Variants in CWC27 observed in about 807,000 individuals in gnomAD.
CWC27 encodes the protein spliceosome-associated protein CWC27 homolog.
CWC27 carries 47 observed loss-of-function variants against 63.6 expected under a neutral mutation model. The ratio of observed to expected loss-of-function variants is 0.74; its 90% CI spans 0.58 to 0.94. CWC27 has a LOEUF of 0.94. CWC27 is among the 40% of genes least tolerant of loss of function. The pLI is 0.00. For missense variants in CWC27, 495 were observed against 554.3 expected (o/e 0.89, Z 1.07); for synonymous variants, 175 against 179.8 (o/e 0.97, Z 0.22).
chr5:64,785,470 T>A lies in CWC27; in HGVS notation c.397-11T>A. ...ATAATTTTCAATTACATTATATTTTTAATTTGATAGGTTACAGGGGATACA... is the reference window on the plus strand; with the variant it reads ...ATAATTTTCAATTACATTATATTTTAAATTTGATAGGTTACAGGGGATACA... On this transcript the variant is annotated splice_polypyrimidine_tract_variant and intron_variant, in intron 4 of 13. Coordinates refer to ENST00000381070, the MANE Select transcript of CWC27 (RefSeq NM_005869.4). 7.9e-7 allele frequency: 1 copy of A among 1,271,274 alleles called. No homozygotes were observed. Among genetic ancestry groups the A allele is most frequent in the Non-Finnish European group, 1.0e-6 (1 of 973,514 alleles). 78.7% of individuals were successfully genotyped at this position (1,271,274 alleles called of 1,614,324 possible).
At chr5:64,782,227 C>T (rs537211584) in intron 3 of CWC27, among the ~76,000 whole-genome samples, 194 bp downstream of exon 3, 260 of 152,088 alleles carry the variant, frequency 1.7e-3, no homozygotes, top group African/African-American at 6.0e-3. Context: ...GGGGGCGGAT[C>T]ACTTGAGGTC....
intron 6 of CWC27, 61 bp from the exon 7 acceptor site, chr5:64,788,890 A>T: frequency 1.8e-6 from 2 of 1,123,160 alleles, no homozygotes; most frequent in Non-Finnish European, 1.3e-6. Flanking sequence ...AAAATAAGGT[A>T]TTTATAAGTT....
At chr5:64,901,234 T>C (rs1395290024) in intron 11 of CWC27, among the ~76,000 whole-genome samples, 2 of 151,914 alleles carry the variant, frequency 1.3e-5, no homozygotes, top group Non-Finnish European at 2.9e-5. Flanking sequence ...AAAGGTACAG[T>C]AAAAATACGG....
chr5:64,874,062 T>C (rs985165225), intron 10 of CWC27, among the ~76,000 whole-genome samples: 2 of 152,088 alleles, frequency 1.3e-5, no homozygotes, highest in Non-Finnish European at 2.9e-5. Context: ...AAAATTCTTT[T>C]TCCTTGATAT....
intron 10 of CWC27, among the ~76,000 whole-genome samples, chr5:64,818,209 C>A (rs1745098647): frequency 6.6e-6 from 1 of 152,002 alleles, no homozygotes; most frequent in Admixed American, 6.6e-5. Context: ...TCTTTTTAAT[C>A]TGTATTTTCA....
At chr5:64,964,338 GTATT>G (rs966768945) in intron 11 of CWC27, among the ~76,000 whole-genome samples, 2 of 152,138 alleles carry the variant, frequency 1.3e-5, no homozygotes, top group African/African-American at 4.8e-5. Context: ...GCAGTTTTGA[GTATT>G]TATTTAGACA....
chr5:64,950,843 T>C (rs1748691852), intron 11 of CWC27, among the ~76,000 whole-genome samples: 1 of 151,972 alleles, frequency 6.6e-6, no homozygotes, highest in South Asian at 2.1e-4. Flanking sequence ...TCTCACACTA[T>C]AGTTTTCCTA....
intron 11 of CWC27, among the ~76,000 whole-genome samples, chr5:64,969,958 A>G (rs912694268): frequency 2.0e-5 from 3 of 152,198 alleles, no homozygotes; most frequent in Non-Finnish European, 2.9e-5. Context: ...GCAAAGGCGG[A>G]TGGTTGGTCA....
Position 64,786,589 on chromosome 5 carries a change from A to G in CWC27, c.561A>G (p.Pro187=). ...TTAAAAGGCTGAAAAAAGAGAAACCAGAGGAGGAAGTAAAGAAATTGAAAC... is the reference window on the plus strand; with the variant it reads ...TTAAAAGGCTGAAAAAAGAGAAACCGGAGGAGGAAGTAAAGAAATTGAAAC... ...REIKRLKKEK[P]EEEVKKLKPK... is the part of the protein sequence containing the mutation. Residue 187 remains proline, a synonymous_variant, in exon 6 of 14, where the codon CCA becomes CCG. Coordinates refer to ENST00000381070, the MANE Select transcript of CWC27 (RefSeq NM_005869.4). The G allele has an allele frequency of 1.3e-6, 2 of 1,590,270 alleles. No homozygotes were observed. Among genetic ancestry groups the G allele is most frequent in the Middle Eastern group, 1.7e-4 (1 of 6,000 alleles).
intron 10 of CWC27, among the ~76,000 whole-genome samples, chr5:64,819,542 A>G (rs1012643878): frequency 1.3e-5 from 2 of 151,740 alleles, no homozygotes; most frequent in African/African-American, 4.8e-5. Flanking sequence ...GTCACACTAG[A>G]TCTGATGGTT....
chr5:64,972,454 T>C (rs1749142853), intron 12 of CWC27, among the ~76,000 whole-genome samples: 2 of 152,066 alleles, frequency 1.3e-5, no homozygotes, highest in Admixed American at 1.3e-4. Context: ...GAGGGCAGAC[T>C]GAAATCATTT....
At chr5:64,948,950 A>G (rs1003858643) in intron 11 of CWC27, among the ~76,000 whole-genome samples, 2 of 152,034 alleles carry the variant, frequency 1.3e-5, no homozygotes, top group African/African-American at 4.8e-5. Context: ...GAAATCATGA[A>G]TAGTAGATAA....
chr5:64,801,754 A>G (rs193081394), intron 9 of CWC27, among the ~76,000 whole-genome samples: 2 of 152,314 alleles, frequency 1.3e-5, no homozygotes, highest in East Asian at 3.9e-4. Context: ...ATTTCAAAAG[A>G]TTCTCATTCA....
chr5:64,873,944 T>C (rs1274841326), intron 10 of CWC27, among the ~76,000 whole-genome samples: 1 of 152,114 alleles, frequency 6.6e-6, no homozygotes, highest in Non-Finnish European at 1.5e-5. Flanking sequence ...TCCCAGTGTA[T>C]GTTCTTGGTG....
In CWC27 at chr5:64,837,713, G is replaced by A. The variant is rs990345606; in HGVS notation, c.938+33327G>A. On this transcript the variant is annotated intron_variant, in intron 10 of 13. Coordinates refer to ENST00000381070, the MANE Select transcript of CWC27 (RefSeq NM_005869.4). ...AAAAAAAAGCCAAACCTCACCTCAC[G>A]GGGGTCTCTCTTATTTAGAGGTTTA... Among the ~76,000 whole-genome samples the A allele has an allele frequency of 5.0e-4, 75 of 151,226 alleles. 1 individual carries two copies. The highest frequency in any genetic ancestry group is 1.7e-3 in the African/African-American group (72 of 41,250).
intron 7 of CWC27, among the ~76,000 whole-genome samples, chr5:64,789,516 A>G (rs1334061575): frequency 6.6e-6 from 1 of 152,172 alleles, no homozygotes; most frequent in Non-Finnish European, 1.5e-5. Context: ...TCAAAGTAAC[A>G]TAACCAATAA....
At chr5:64,846,170 C>T (rs531330596) in intron 10 of CWC27, among the ~76,000 whole-genome samples, 2 of 152,280 alleles carry the variant, frequency 1.3e-5, no homozygotes, top group African/African-American at 4.8e-5. Context: ...GGAAATAATA[C>T]TTTCTCCCTC....
rs151070710 is a variant in CWC27, at chr5:64,833,821, T to C, written c.938+29435T>C. ...TTCCTTAAGTTAGACCCATCATTTATTCAGAACATATAAGCTCTTAATTGC... is the reference window on the plus strand; with the variant it reads ...TTCCTTAAGTTAGACCCATCATTTACTCAGAACATATAAGCTCTTAATTGC... On this transcript the variant is annotated intron_variant, in intron 10 of 13. Coordinates refer to ENST00000381070, the MANE Select transcript of CWC27 (RefSeq NM_005869.4). Among the ~76,000 whole-genome samples, 1,230 of 151,818 alleles carry C rather than the reference T, an allele frequency of 8.1e-3. 55 individuals are homozygous for C. Among genetic ancestry groups the C allele is most frequent in the Admixed American group, 0.072 (1,100 of 15,184 alleles).
At chr5:65,009,475 T>G (rs1391557187) in intron 13 of CWC27, among the ~76,000 whole-genome samples, 2 of 152,242 alleles carry the variant, frequency 1.3e-5, no homozygotes, top group African/African-American at 4.8e-5. Flanking sequence ...TATTATGGAC[T>G]GAATTGTATC....
Sources: gnomAD v4.1 joint callset for allele counts (sites outside exome capture counted in the v4.1 genomes callset) on GRCh38, gnomAD v4.1.1 for gene constraint, MANE v1.5 for transcripts, NCBI Gene and HGNC (gene_info 2026-07-23, HGNC 2026-07-21) for gene names.